The following IL2RB variants were observed in gnomAD, a reference collection of about 807,000 sequenced individuals.
The protein encoded by IL2RB is interleukin-2 receptor subunit beta.
A neutral mutation model predicts 44.2 loss-of-function variants in IL2RB; 17 were observed. The ratio of observed to expected loss-of-function variants is 0.38; its 90% CI spans 0.26 to 0.58. IL2RB has a LOEUF of 0.58. Among genes scored for constraint, IL2RB ranks in the 20% least tolerant of loss-of-function variants. The probability of loss-of-function intolerance (pLI) is 0.63; values close to 1 mark genes in which losing one functional copy is unlikely to be tolerated. For synonymous variants in IL2RB, 286 were observed against 297.9 expected (o/e 0.96, Z 0.41); for missense variants, 624 against 685.5 (o/e 0.91, Z 1.00).
chr22:37,131,861 T>C (rs1032624272), intron 9 of IL2RB, among the ~76,000 whole-genome samples: 1 of 152,050 alleles, frequency 6.6e-6, no homozygotes, highest in Non-Finnish European at 1.5e-5. Flanking sequence ...CTCAGCCTCC[T>C]GAGTAGCTGG....
intron 1 of IL2RB, among the ~76,000 whole-genome samples, chr22:37,147,574 C>A (rs1922284443): frequency 6.6e-6 from 1 of 152,226 alleles, no homozygotes; most frequent in South Asian, 2.1e-4. Flanking sequence ...GGCTCCAAGC[C>A]CCTAACTTGC....
chr22:37,136,244 G>A lies in IL2RB; in HGVS notation c.687C>T (p.Phe229=). ...TWSPWSQPLA[F]RTKPAALGKD... ...CACCAGTACCTGCAGGCTTTGTCCTGAAGGCCAGGGGCTGGCTCCAGGGGC... is the reference window on the plus strand; with the variant it reads ...CACCAGTACCTGCAGGCTTTGTCCTAAAGGCCAGGGGCTGGCTCCAGGGGC... Residue 229 remains phenylalanine, a synonymous_variant, in exon 7 of 10, where the codon TTC becomes TTT. Coordinates refer to ENST00000216223, the MANE Select transcript of IL2RB (RefSeq NM_000878.5). The A allele has an allele frequency of 6.2e-7, 1 of 1,611,184 alleles. No homozygotes were observed.
chr22:37,162,002 C>G (rs1198241854), intron 1 of IL2RB: 1 of 152,240 alleles, frequency 6.6e-6, no homozygotes, highest in Non-Finnish European at 1.5e-5. Flanking sequence ...GATTCCTGAG[C>G]TTCAGAATAT....
At chr22:37,152,929 C>CTTTTTTTTTTT (rs67046193), upstream of IL2RB, among the ~76,000 whole-genome samples, 2 of 86,982 alleles carry the variant, frequency 2.3e-5, no homozygotes, top group Non-Finnish European at 4.3e-5. Flanking sequence ...GCTGTGGCCT[C>CTTTTTTTTTTT]TTTTTTTTTT....
Position 37,169,171 on chromosome 22 carries a change from A to C in IL2RB, c.-34+5787T>G, listed in dbSNP as rs558473633. Among the ~76,000 whole-genome samples the C allele has an allele frequency of 1.1e-4, 16 of 149,728 alleles. No homozygotes were observed. The South Asian group carries it at 3.4e-3, about 32-fold the overall frequency. ...TGTTTACAGAGGGGTTCTTGCTTAC[A>C]GAGAGGGGTTCTTACTTACAGAGGG... On this transcript the variant is annotated intron_variant, in intron 1 of 5. Coordinates refer to the IL2RB transcript ENST00000429622.
Position 37,137,618 on chromosome 22 carries a change from G to A in IL2RB, c.506C>T (p.Ala169Val). 1.2e-6 allele frequency: 2 copies of A among 1,614,224 alleles called. No homozygotes were observed. Among genetic ancestry groups the A allele is most frequent in the Non-Finnish European group, 1.7e-6 (2 of 1,180,032 alleles). ...GGTGTGGCCTGGGGACAGCGTCCGG[G>A]CCTCGAACTCCAGGTGTCTTTCAAA... ...HYFERHLEFE[A>V]RTLSPGHTWE... The change falls in exon 6 of 10, where the codon GCC (alanine) becomes GTC (valine). Residue 169 changes from alanine to valine, a missense_variant. Transcript: ENST00000216223.
rs536446375 is a variant in IL2RB, at chr22:37,128,464, A to G, written c.1288T>C (p.Phe430Leu). 6.3e-7 allele frequency: 1 copy of G among 1,576,948 alleles called. No homozygotes were observed. The highest frequency in any genetic ancestry group is 1.7e-5 in the Admixed American group (1 of 57,368). Reference sequence around the variant, plus strand: ...GGGCCACCGAGGAGACTGGGGGAGAAGAGCAGCAGGTCATCCCTGGAGGGG... The same window carrying G: ...GGGCCACCGAGGAGACTGGGGGAGAGGAGCAGCAGGTCATCCCTGGAGGGG... ...TFPSRDDLLL[F>L]SPSLLGGPSP... The change falls in exon 10 of 10, where the codon TTC becomes CTC. Residue 430 changes from phenylalanine to leucine, a missense_variant. Physicochemically the swap from Phe to Leu is conservative, Grantham distance 22 (BLOSUM62 0). Coordinates refer to ENST00000216223, the MANE Select transcript of IL2RB (RefSeq NM_000878.5). This position sits in a 1 kb window ranked among gnomAD's most constrained non-coding sequence, Gnocchi z 4.5.
At chr22:37,168,127 C>A (rs1419008965) in intron 1 of IL2RB, among the ~76,000 whole-genome samples, 1 of 152,220 alleles carries the variant, frequency 6.6e-6, no homozygotes, top group Non-Finnish European at 1.5e-5. Flanking sequence ...AATGTGGTGA[C>A]CCTTGGCCTG....
intron 1 of IL2RB, among the ~76,000 whole-genome samples, chr22:37,172,926 C>G (rs1051662560): frequency 6.6e-6 from 1 of 152,168 alleles, no homozygotes; most frequent in Non-Finnish European, 1.5e-5. Context: ...GAGAGTGTTT[C>G]CCATCCTCCA....
chr22:37,160,408 G>A (rs1922817452), intron 1 of IL2RB, among the ~76,000 whole-genome samples: 1 of 152,206 alleles, frequency 6.6e-6, no homozygotes, highest in South Asian at 2.1e-4. Context: ...CTCCTTCTGG[G>A]AGGGTTTGGG....
At chr22:37,171,320 C>T (rs1923277246) in intron 1 of IL2RB, among the ~76,000 whole-genome samples, 1 of 152,026 alleles carries the variant, frequency 6.6e-6, no homozygotes, top group Non-Finnish European at 1.5e-5. Context: ...ATTGAGGAGC[C>T]CCTATGTGCC....
intron 3 of IL2RB, among the ~76,000 whole-genome samples, chr22:37,143,194 C>G (rs918626346): frequency 6.6e-6 from 1 of 152,136 alleles, no homozygotes; most frequent in Non-Finnish European, 1.5e-5. Context: ...CCCACTTCCT[C>G]TCTGCTTGCC....
upstream of IL2RB, among the ~76,000 whole-genome samples, chr22:37,151,493 T>G (rs1170061623): frequency 1.3e-5 from 2 of 152,238 alleles, no homozygotes; most frequent in East Asian, 3.8e-4. Flanking sequence ...TTGCAAATAT[T>G]TTCTCCCATT....
chr22:37,132,786 G>A (rs1469953932), intron 8 of IL2RB, among the ~76,000 whole-genome samples: 2 of 152,208 alleles, frequency 1.3e-5, no homozygotes, highest in Non-Finnish European at 2.9e-5. Flanking sequence ...GGAGGTGGGG[G>A]TCGATGGGGG....
At chr22:37,167,691 T>C (rs1923131109) in intron 1 of IL2RB, among the ~76,000 whole-genome samples, 1 of 152,262 alleles carries the variant, frequency 6.6e-6, no homozygotes, top group African/African-American at 2.4e-5. Context: ...TGCCCATCAC[T>C]GGATCAGGTG....
chr22:37,140,315 T>C (rs533856987), intron 4 of IL2RB, among the ~76,000 whole-genome samples: 1 of 145,424 alleles, frequency 6.9e-6, no homozygotes. Context: ...ATTATTATTA[T>C]TATTATTATT....
At chr22:37,173,655 G>A (rs1286038597) in intron 1 of IL2RB, among the ~76,000 whole-genome samples, 1 of 152,138 alleles carries the variant, frequency 6.6e-6, no homozygotes, top group Non-Finnish European at 1.5e-5. Context: ...CAAAACTGAG[G>A]CACAGAGAGT....
Position 37,165,368 on chromosome 22 carries a change from C to T in IL2RB, c.-34+9590G>A, listed in dbSNP as rs549498140. On this transcript the variant is annotated intron_variant, in intron 1 of 5. Coordinates refer to the IL2RB transcript ENST00000429622. ...CTGTCCTTCCTAATGTTTCTCTGACCGTGGCCTCTCCAGGGAGAGTCTGAA... is the reference window on the plus strand; with the variant it reads ...CTGTCCTTCCTAATGTTTCTCTGACTGTGGCCTCTCCAGGGAGAGTCTGAA... Among the ~76,000 whole-genome samples the T allele has an allele frequency of 1.1e-4, 16 of 152,290 alleles. No homozygotes were observed. The South Asian group carries it at 3.1e-3, about 30-fold the overall frequency.
chr22:37,167,148 C>T (rs932742507), intron 1 of IL2RB, among the ~76,000 whole-genome samples: 9 of 152,118 alleles, frequency 5.9e-5, no homozygotes, highest in South Asian at 2.1e-4. Context: ...AGATCAGAAA[C>T]GGGAGCACCT....
Sources: gnomAD v4.1 joint callset for allele counts (sites outside exome capture counted in the v4.1 genomes callset) on GRCh38, gnomAD v4.1.1 for gene constraint, Gnocchi (gnomAD v3.1) non-coding constraint, MANE v1.5 for transcripts, NCBI Gene and HGNC (gene_info 2026-07-23, HGNC 2026-07-21) for gene names.